The following STK3 variants were observed in gnomAD, a reference collection of about 807,000 sequenced individuals.
STK3 encodes serine/threonine kinase 3, also known as serine/threonine-protein kinase 3.
In STK3, 41 loss-of-function variants were observed where a neutral mutation model predicts 58.0. The observed-to-expected ratio is 0.71, with a 90% confidence interval of 0.55 to 0.92. STK3 has a LOEUF of 0.92. Ranked by LOEUF, STK3 falls within the 40% of genes least tolerant of loss-of-function variation. STK3 has a pLI of 0.00. For missense variants in STK3, 479 were observed against 602.7 expected (o/e 0.79, Z 2.15); for synonymous variants, 170 against 191.0 (o/e 0.89, Z 0.91).
chr8:98,487,840 T>C (rs921324986), intron 10 of STK3, among the ~76,000 whole-genome samples: 10 of 152,178 alleles, frequency 6.6e-5, no homozygotes, highest in African/African-American at 2.4e-4. Flanking sequence ...GGCCTGGATG[T>C]GAATCTCAGC....
chr8:98,682,859 C>A (rs1483917759), intron 6 of STK3, among the ~76,000 whole-genome samples: 1 of 151,962 alleles, frequency 6.6e-6, no homozygotes, highest in Non-Finnish European at 1.5e-5. Context: ...CCTCAGTATA[C>A]CTCCTTCCAC....
At chr8:98,391,049 CT>C (rs1165575313), upstream of STK3, among the ~76,000 whole-genome samples, 1 of 152,198 alleles carries the variant, frequency 6.6e-6, no homozygotes, top group East Asian at 1.9e-4. Flanking sequence ...CCGTTGACTG[CT>C]TTTTCCCATG....
chr8:98,546,589 G>C (rs2131578879), intron 9 of STK3, among the ~76,000 whole-genome samples: 1 of 152,252 alleles, frequency 6.6e-6, no homozygotes, highest in African/African-American at 2.4e-5. Context: ...TGTGTTAACT[G>C]TTTTACCACA....
intron 6 of STK3, among the ~76,000 whole-genome samples, chr8:98,647,615 G>A (rs927224444): frequency 3.3e-5 from 5 of 151,982 alleles, no homozygotes; most frequent in East Asian, 1.9e-4. Context: ...GCACGATCTC[G>A]GCTCACTGCA....
At chr8:98,790,021 T>G (rs1832707680) in intron 1 of STK3, among the ~76,000 whole-genome samples, 1 of 125,894 alleles carries the variant, frequency 7.9e-6, no homozygotes, top group Non-Finnish European at 1.6e-5. Flanking sequence ...AGAAGGAGAC[T>G]TCATCTCAAA....
intron 3 of STK3, among the ~76,000 whole-genome samples, chr8:98,871,974 C>A (rs576095140): frequency 2.0e-5 from 3 of 151,976 alleles, no homozygotes; most frequent in African/African-American, 7.2e-5. Context: ...ATATTGGCTG[C>A]GGGTTTGTCA....
chr8:98,596,545 G>C (rs1326738306), intron 6 of STK3, among the ~76,000 whole-genome samples: 1 of 152,032 alleles, frequency 6.6e-6, no homozygotes, highest in Non-Finnish European at 1.5e-5. Flanking sequence ...TATAAGCATT[G>C]CTGCTTAAAA....
chr8:98,422,616 C>T (rs528729981), intron 3 of STK3, among the ~76,000 whole-genome samples: 127 of 152,312 alleles, frequency 8.3e-4, no homozygotes, highest in African/African-American at 2.9e-3. Flanking sequence ...CACAGGAAAC[C>T]GTCTGGGAGT....
At chr8:98,915,804 T>C (rs561034866) in intron 1 of STK3, among the ~76,000 whole-genome samples, 1 of 152,204 alleles carries the variant, frequency 6.6e-6, no homozygotes, top group African/African-American at 2.4e-5. Context: ...ATCAAGTTCT[T>C]ATCCAAAAGA....
intron 3 of STK3, among the ~76,000 whole-genome samples, chr8:98,424,898 G>A (rs1427555496): frequency 2.6e-5 from 4 of 152,176 alleles, no homozygotes; most frequent in South Asian, 2.1e-4. Context: ...TGGAGGGGCC[G>A]GAAGGCAGGC....
chr8:98,556,641 G>A (rs1360208637), intron 8 of STK3, among the ~76,000 whole-genome samples: 1 of 151,998 alleles, frequency 6.6e-6, no homozygotes, highest in East Asian at 1.9e-4. Context: ...TCAACACTGG[G>A]AGCCCAGCAT....
At chr8:98,685,891 C>T (rs13269932) in intron 6 of STK3, among the ~76,000 whole-genome samples, 46,442 of 151,736 alleles carry the variant, frequency 0.31, 7,405 homozygotes, top group Admixed American at 0.42. Flanking sequence ...AAGATAAGGG[C>T]AGGTTCAAGG....
chr8:98,697,462 T>C (rs1422555507), intron 6 of STK3, among the ~76,000 whole-genome samples: 2 of 152,232 alleles, frequency 1.3e-5, no homozygotes, highest in African/African-American at 4.8e-5. Flanking sequence ...GGTGTCAATT[T>C]TGGATCTTTC....
chr8:98,536,091 C>G (rs898121483), intron 9 of STK3, among the ~76,000 whole-genome samples: 1 of 152,124 alleles, frequency 6.6e-6, no homozygotes, highest in Non-Finnish European at 1.5e-5. Context: ...ACCCCAACAG[C>G]CTTGTGCGTG....
chr8:98,713,415 T>C (rs1415235524), intron 4 of STK3, among the ~76,000 whole-genome samples: 2 of 151,746 alleles, frequency 1.3e-5, no homozygotes, highest in East Asian at 3.9e-4. Context: ...AAGAATCAAA[T>C]AGAAGCAATA....
intron 1 of STK3, among the ~76,000 whole-genome samples, chr8:98,379,847 C>A (rs1011903406): frequency 9.9e-5 from 15 of 152,126 alleles, no homozygotes; most frequent in Non-Finnish European, 8.8e-5. Context: ...GCTAGAACTC[C>A]CATGTTCATT....
At chr8:98,547,613 A>G (rs1038983548) in intron 9 of STK3, among the ~76,000 whole-genome samples, 15 of 152,192 alleles carry the variant, frequency 9.9e-5, no homozygotes, top group African/African-American at 3.1e-4. Context: ...ACATAAAATA[A>G]TAGTCTGTTG....
At chr8:98,645,874 A>C (rs141216322) in intron 6 of STK3, among the ~76,000 whole-genome samples, 2 of 152,250 alleles carry the variant, frequency 1.3e-5, no homozygotes, top group East Asian at 3.9e-4. Context: ...GGGTTTTGCC[A>C]TGTTGCTGGT....
At chr8:98,639,254 C>T (rs575663758) in intron 6 of STK3, among the ~76,000 whole-genome samples, 8 of 152,072 alleles carry the variant, frequency 5.3e-5, no homozygotes, top group African/African-American at 1.7e-4. Context: ...GGACTACAGG[C>T]GCATGCCACC....
Sources: allele counts gnomAD v4.1 joint callset (sites outside exome capture counted in the v4.1 genomes callset), GRCh38; gene constraint gnomAD v4.1.1; transcripts MANE v1.5; gene names NCBI Gene and HGNC (gene_info 2026-07-23, HGNC 2026-07-21).